PTPRN2: variants seen among roughly 807,000 people sequenced by gnomAD.
The protein encoded by PTPRN2 is protein tyrosine phosphatase receptor type N2.
Under a neutral mutation model 118.8 loss-of-function variants are expected in PTPRN2, and 74 were observed. That is an observed-to-expected ratio of 0.62 (90% CI 0.52 to 0.76). PTPRN2 has a LOEUF of 0.76. PTPRN2 is among the 30% of genes least tolerant of loss of function. PTPRN2 has a pLI of 0.00. For missense variants in PTPRN2, 1,481 were observed against 1,394.4 expected, an observed-to-expected ratio of 1.06 and a Z score of -0.99; for synonymous variants, 641 against 608.0, an observed-to-expected ratio of 1.05 and a Z score of -0.80.
intron 16 of PTPRN2, among the ~76,000 whole-genome samples, chr7:157,599,356 G>C (rs1801531685): frequency 6.6e-6 from 1 of 152,184 alleles, no homozygotes; most frequent in African/African-American, 2.4e-5. Context: ...TGTTGACTCT[G>C]TTATCCCTTG....
intron 12 of PTPRN2, among the ~76,000 whole-genome samples, chr7:157,832,933 C>T (rs1337836997): frequency 6.6e-6 from 1 of 152,216 alleles, no homozygotes; most frequent in African/African-American, 2.4e-5. Flanking sequence ...GATGAGATGG[C>T]GGGATTCTCC....
intron 2 of PTPRN2, among the ~76,000 whole-genome samples, chr7:158,321,989 G>A (rs1012726585): frequency 6.6e-6 from 1 of 152,192 alleles, no homozygotes; most frequent in Non-Finnish European, 1.5e-5. Flanking sequence ...ACCCCCAGGT[G>A]CTCCTCGATG....
At chr7:157,546,019 T>G (rs1014651304) in intron 22 of PTPRN2, among the ~76,000 whole-genome samples, 2 of 152,200 alleles carry the variant, frequency 1.3e-5, no homozygotes, top group Non-Finnish European at 2.9e-5. Context: ...CGGATTAAGA[T>G]GTGATGGTGA....
Position 158,022,348 on chromosome 7 carries a change from T to C in PTPRN2, c.1723+58950A>G, listed in dbSNP as rs1450663458. Among the ~76,000 whole-genome samples the C allele has an allele frequency of 1.3e-5, 2 of 152,192 alleles. No individual in the cohort carries two copies. The highest frequency in any genetic ancestry group is 6.5e-5 in the Admixed American group (1 of 15,286). ...CACGAGACTTCAGGTCATCCTTTAA[T>C]GAGGGCCCAAGGAAGCACCCCCACT... is the stretch of plus-strand genomic sequence containing the variant. On this transcript the variant is annotated intron_variant, in intron 11 of 22. Coordinates refer to ENST00000389418, the MANE Select transcript of PTPRN2 (RefSeq NM_002847.5). The surrounding 1 kb of genome is among the most constrained non-coding windows in gnomAD (Gnocchi z 4.6).
At chr7:158,192,858 G>A (rs1287640649) in intron 4 of PTPRN2, among the ~76,000 whole-genome samples, 4 of 152,202 alleles carry the variant, frequency 2.6e-5, no homozygotes, top group Non-Finnish European at 5.9e-5. Flanking sequence ...GAGGCAGCCA[G>A]AGGCCGGGTG....
intron 3 of PTPRN2, among the ~76,000 whole-genome samples, chr7:158,267,977 C>G (rs965080114): frequency 3.9e-5 from 6 of 152,214 alleles, no homozygotes; most frequent in Non-Finnish European, 8.8e-5. Flanking sequence ...CATTTAAACG[C>G]ACACTGGGTT....
At position 158,270,882 on chromosome 7, in the gene PTPRN2, GGAT is replaced by G. The variant is rs1364405864; in HGVS notation, c.277+45934_277+45936del. ...CCCACCTGGACCGCCCCCTCCACCT[GGAT>G]GACCCCCTCCACCTGGACCACCCCC... On this transcript the variant is annotated intron_variant, in intron 3 of 22. Transcript: ENST00000389418. Among the ~76,000 whole-genome samples, 447 of 52,346 alleles carry G rather than the reference GGAT, an allele frequency of 8.5e-3. 53 individuals are homozygous for G. Among genetic ancestry groups the G allele is most frequent in the Non-Finnish European group, 0.01 (308 of 30,594 alleles). The allele number at this position is 52,346 out of a possible 152,430, so 34.3% of individuals were successfully genotyped here.
chr7:157,873,403 C>G (rs1811236207), intron 12 of PTPRN2, among the ~76,000 whole-genome samples: 1 of 152,226 alleles, frequency 6.6e-6, no homozygotes, highest in South Asian at 2.1e-4. Flanking sequence ...CGAGGCTTTG[C>G]TCCGACGTGT....
chr7:158,220,881 CAAA>C (rs201797228), intron 3 of PTPRN2, among the ~76,000 whole-genome samples: 1 of 126,770 alleles, frequency 7.9e-6, no homozygotes. Flanking sequence ...CATATGGATC[CAAA>C]AAAAAAAAAA....
At chr7:157,564,195 G>T (rs1206979999) in intron 21 of PTPRN2, among the ~76,000 whole-genome samples, 1 of 152,176 alleles carries the variant, frequency 6.6e-6, no homozygotes, top group South Asian at 2.1e-4. Flanking sequence ...GCAATGGTGC[G>T]ATCTCAGGTC....
At chr7:158,096,153 C>T (rs767550262) in intron 10 of PTPRN2, among the ~76,000 whole-genome samples, 4 of 152,186 alleles carry the variant, frequency 2.6e-5, no homozygotes, top group Non-Finnish European at 4.4e-5. Context: ...CCACAGCAGA[C>T]GTTATTCTAG....
At chr7:158,128,916 C>T (rs1026725325) in intron 9 of PTPRN2, among the ~76,000 whole-genome samples, 10 of 151,990 alleles carry the variant, frequency 6.6e-5, no homozygotes, top group African/African-American at 2.4e-4. Context: ...AAGAGGGCTC[C>T]AGCACAGAGT....
chr7:157,800,251 T>C (rs1341951787), intron 12 of PTPRN2, among the ~76,000 whole-genome samples: 1 of 152,240 alleles, frequency 6.6e-6, no homozygotes, highest in African/African-American at 2.4e-5. Flanking sequence ...CTTTCCAGGC[T>C]GGGCTTCTTC....
chr7:158,188,804 G>A (rs939061519), intron 5 of PTPRN2, among the ~76,000 whole-genome samples: 5 of 152,156 alleles, frequency 3.3e-5, no homozygotes. Flanking sequence ...GAGCACTCCG[G>A]GGCGTGTGTT....
At chr7:158,116,899 C>A (rs1178699251) in intron 9 of PTPRN2, among the ~76,000 whole-genome samples, 1 of 152,030 alleles carries the variant, frequency 6.6e-6, no homozygotes, top group Non-Finnish European at 1.5e-5. Flanking sequence ...ATCCTTGGCA[C>A]AAAGACAGCC....
intron 2 of PTPRN2, among the ~76,000 whole-genome samples, chr7:158,361,662 C>T (rs112154102): frequency 6.6e-6 from 1 of 152,158 alleles, no homozygotes; most frequent in Admixed American, 6.5e-5. Context: ...TTAGCAGATG[C>T]CCACCATGGA....
chr7:157,715,365 G>A (rs561885538), intron 12 of PTPRN2, among the ~76,000 whole-genome samples: 79 of 152,212 alleles, frequency 5.2e-4, no homozygotes, highest in Non-Finnish European at 9.6e-4. Context: ...CAGTCCCCCC[G>A]CTACCATAAA....
intron 11 of PTPRN2, among the ~76,000 whole-genome samples, chr7:157,967,845 T>A (rs962092121): frequency 4.6e-5 from 7 of 152,192 alleles, no homozygotes; most frequent in Admixed American, 1.3e-4. Flanking sequence ...GGAGAAGGGG[T>A]CTGGGCAGCC....
intron 3 of PTPRN2, among the ~76,000 whole-genome samples, chr7:158,231,019 C>G (rs1829130633): frequency 6.6e-6 from 1 of 152,154 alleles, no homozygotes. Flanking sequence ...GTAATCTCAG[C>G]ACTTTGACAG....
Sources: allele counts gnomAD v4.1 joint callset (sites outside exome capture counted in the v4.1 genomes callset), GRCh38; gene constraint gnomAD v4.1.1; non-coding constraint Gnocchi (gnomAD v3.1); transcripts MANE v1.5; gene names NCBI Gene and HGNC (gene_info 2026-07-23, HGNC 2026-07-21).